DCDC1: variants seen among roughly 807,000 people sequenced by gnomAD.
DCDC1 encodes doublecortin domain-containing protein 1.
In DCDC1, 200 loss-of-function variants were observed where a neutral mutation model predicts 178.3. The ratio of observed to expected loss-of-function variants is 1.12; its 90% CI spans 1.00 to 1.26. DCDC1 has a LOEUF of 1.26. DCDC1 is among the 50% of genes most tolerant of loss of function. DCDC1 has a pLI of 0.00. For synonymous variants in DCDC1, 690 were observed against 604.8 expected (o/e 1.14, Z -2.07); for missense variants, 1,983 against 1,749.2 (o/e 1.13, Z -2.38).
intron 20 of DCDC1, among the ~76,000 whole-genome samples, chr11:30,989,818 A>T (rs1394546594): frequency 1.3e-5 from 2 of 152,154 alleles, no homozygotes; most frequent in African/African-American, 4.8e-5. Flanking sequence ...CAAAAATAAA[A>T]CCAATTTGTG....
At position 31,305,522 on chromosome 11, in the gene DCDC1, T is replaced by G. The variant is rs188668011; in HGVS notation, c.754+93A>C. Reference sequence around the variant, plus strand: ...CGTAAACATTAGTTTTGTTAAACCATGCAAAAAAGACAGGATGAAAATCAT... The same window carrying G: ...CGTAAACATTAGTTTTGTTAAACCAGGCAAAAAAGACAGGATGAAAATCAT... On this transcript the variant is annotated intron_variant, in intron 6 of 38. Transcript: ENST00000684477. The G allele has an allele frequency of 2.2e-4, 322 of 1,485,656 alleles. 1 individual carries two copies. The highest frequency in any genetic ancestry group is 2.2e-4 in the Non-Finnish European group (240 of 1,102,220). 92.0% of individuals were successfully genotyped at this position (1,485,656 alleles called of 1,614,324 possible).
intron 9 of DCDC1, among the ~76,000 whole-genome samples, chr11:31,169,466 C>A (rs901485478): frequency 1.3e-5 from 2 of 152,030 alleles, no homozygotes; most frequent in Admixed American, 6.5e-5. Flanking sequence ...AGTGGCAGTT[C>A]AAATAAAATG....
chr11:31,112,490 T>C (rs1959195352), intron 11 of DCDC1, among the ~76,000 whole-genome samples: 1 of 152,178 alleles, frequency 6.6e-6, no homozygotes, highest in Non-Finnish European at 1.5e-5. Context: ...CCAGTGGCTC[T>C]CTGCATGGCC....
intron 22 of DCDC1, among the ~76,000 whole-genome samples, chr11:30,926,398 G>A (rs1023816971): frequency 6.6e-6 from 1 of 152,168 alleles, no homozygotes; most frequent in African/African-American, 2.4e-5. Context: ...AGGCATTAGA[G>A]CAGATATGTG....
chr11:30,943,898 T>C (rs1208451516), intron 21 of DCDC1: 22 of 271,324 alleles, frequency 8.1e-5, no homozygotes, highest in Non-Finnish European at 1.6e-4. Context: ...TTAGTATTAA[T>C]GCAGTCTGAG....
chr11:31,112,685 T>G (rs1016697214), intron 11 of DCDC1, among the ~76,000 whole-genome samples: 10 of 152,294 alleles, frequency 6.6e-5, no homozygotes, highest in Admixed American at 5.9e-4. Context: ...TAGGAATAAG[T>G]TACTTCTATG....
intron 21 of DCDC1, among the ~76,000 whole-genome samples, chr11:30,952,144 A>G (rs1948462966): frequency 6.6e-6 from 1 of 152,220 alleles, no homozygotes; most frequent in South Asian, 2.1e-4. Flanking sequence ...CTACATAATA[A>G]TAGAAGTTTC....
intron 23 of DCDC1, among the ~76,000 whole-genome samples, chr11:30,923,604 AAAT>A (rs1223285541): frequency 1.3e-5 from 2 of 149,368 alleles, no homozygotes; most frequent in African/African-American, 4.9e-5. Context: ...GGGAAACTTT[AAAT>A]AATAATAATA....
At chr11:31,237,190 C>A (rs1976568986) in intron 9 of DCDC1, among the ~76,000 whole-genome samples, 1 of 151,722 alleles carries the variant, frequency 6.6e-6, no homozygotes, top group African/African-American at 2.4e-5. Flanking sequence ...ATAAAGTGAG[C>A]CAACATTAAC....
rs1482572450 is a variant in DCDC1, at chr11:31,318,851, T to C, written c.164+9266A>G. 1.2e-4 allele frequency among the ~76,000 whole-genome samples: 8 copies of C among 64,758 alleles called. 2 individuals carry two copies. The highest frequency in any genetic ancestry group is 2.2e-4 in the Non-Finnish European group (8 of 36,932). The allele number at this position is 64,758 out of a possible 152,430, so 42.5% of individuals were successfully genotyped here. A position where few individuals can be genotyped will look rare whatever the true frequency, so the allele number is the denominator to read the frequency against. On this transcript the variant is annotated intron_variant, in intron 3 of 38. Coordinates refer to ENST00000684477, the MANE Select transcript of DCDC1 (RefSeq NM_001387274.1). ...TGAACGCGTCCCAGAGATTCTGGTA[T>C]GTGGTGTCTTTGTTCTCGTTGGTTT...
chr11:31,354,791 G>A (rs1951247311), intron 1 of DCDC1, among the ~76,000 whole-genome samples: 1 of 152,164 alleles, frequency 6.6e-6, no homozygotes, highest in Non-Finnish European at 1.5e-5. Flanking sequence ...TTAAGGATCT[G>A]TTTCAGAATA....
At position 31,263,198 on chromosome 11, in the gene DCDC1, A is replaced by T. The variant is rs543780390; in HGVS notation, c.1054+2309T>A. On this transcript the variant is annotated intron_variant, in intron 8 of 38. Transcript: ENST00000684477. ...AATTCTAGCAGTTCATTCAAATCTGATGTTTTAATTCCAGGTGAACTGGAA... is the reference window on the plus strand; with the variant it reads ...AATTCTAGCAGTTCATTCAAATCTGTTGTTTTAATTCCAGGTGAACTGGAA... 9.2e-5 allele frequency: 80 copies of T among 871,058 alleles called. No homozygotes were observed. In the African/African-American group the frequency reaches 1.2e-3, roughly 14 times the overall value. The allele number at this position is 871,058 out of a possible 1,614,324, so 54.0% of individuals were successfully genotyped here.
Position 31,091,448 on chromosome 11 carries a change from C to A in DCDC1, c.2182G>T (p.Val728Phe). Residue 728 changes from valine to phenylalanine, a missense_variant, in exon 17 of 39, where the codon GTC (valine) becomes TTC (phenylalanine). Transcript: ENST00000684477. ...GCLAIGHPIR[V>F]KAAEGTSLEG... Reference sequence around the variant, plus strand: ...AGTGATGTTCCCTCAGCAGCCTTGACTCTGATAGGATGACCAATAGCCAGG... The same window carrying A: ...AGTGATGTTCCCTCAGCAGCCTTGAATCTGATAGGATGACCAATAGCCAGG... 1.3e-6 allele frequency: 1 copy of A among 762,228 alleles called. No homozygotes were observed. Among genetic ancestry groups the A allele is most frequent in the Non-Finnish European group, 2.4e-6 (1 of 415,962 alleles). 47.2% of individuals were successfully genotyped at this position (762,228 alleles called of 1,614,324 possible).
At chr11:31,341,560 A>G (rs1205015078) in intron 1 of DCDC1, among the ~76,000 whole-genome samples, 1 of 152,174 alleles carries the variant, frequency 6.6e-6, no homozygotes, top group African/African-American at 2.4e-5. Flanking sequence ...CCTAGCCTCT[A>G]TAGTATAGCT....
intron 14 of DCDC1, 60 bp from the exon 15 acceptor site, chr11:31,102,342 C>G (rs951426775): frequency 1.7e-6 from 1 of 591,336 alleles, no homozygotes; most frequent in South Asian, 2.1e-5. Flanking sequence ...AATTACAATG[C>G]CCTTTACTCT....
chr11:31,014,279 A>C, intron 20 of DCDC1, among the ~76,000 whole-genome samples: 3 of 140,456 alleles, frequency 2.1e-5, no homozygotes, highest in African/African-American at 2.7e-5. Flanking sequence ...CTTTTTCATC[A>C]CTCACCCTAG....
chr11:31,173,520 A>G (rs1967533672), intron 9 of DCDC1, among the ~76,000 whole-genome samples: 1 of 152,184 alleles, frequency 6.6e-6, no homozygotes, highest in Non-Finnish European at 1.5e-5. Flanking sequence ...TAAATTAGAG[A>G]GTTTCCAATT....
chr11:31,267,887 TCTGA>T (rs996033242), intron 7 of DCDC1, among the ~76,000 whole-genome samples: 3 of 152,258 alleles, frequency 2.0e-5, no homozygotes, highest in Non-Finnish European at 2.9e-5. Flanking sequence ...ACAGTTGGTG[TCTGA>T]CTGGCAAAAT....
chr11:31,031,572 A>G (rs1167023018), intron 20 of DCDC1, among the ~76,000 whole-genome samples: 1 of 152,142 alleles, frequency 6.6e-6, no homozygotes, highest in Admixed American at 6.5e-5. Flanking sequence ...TATTGTGGAA[A>G]AGTGGTAAAA....
Sources: allele counts gnomAD v4.1 joint callset (sites outside exome capture counted in the v4.1 genomes callset), GRCh38; gene constraint gnomAD v4.1.1; transcripts MANE v1.5; gene names NCBI Gene and HGNC (gene_info 2026-07-23, HGNC 2026-07-21).